The following NRG2 variants were observed in gnomAD, a reference collection of about 807,000 sequenced individuals.
The protein encoded by NRG2 is pro-neuregulin-2, membrane-bound isoform.
A neutral mutation model predicts 73.9 loss-of-function variants in NRG2; 27 were observed. That is an observed-to-expected ratio of 0.37 (90% confidence interval 0.27 to 0.50). The LOEUF is 0.50. Ranked by LOEUF, NRG2 falls within the 20% of genes least tolerant of loss-of-function variation. NRG2 has a pLI of 0.96. For synonymous variants in NRG2, 532 were observed against 541.0 expected, an observed-to-expected ratio of 0.98 and a Z score of 0.23; for missense variants, 1,126 against 1,210.1, an observed-to-expected ratio of 0.93 and a Z score of 1.03.
intron 1 of NRG2, among the ~76,000 whole-genome samples, chr5:139,935,024 G>A (rs746569869): frequency 2.0e-5 from 3 of 152,040 alleles, no homozygotes; most frequent in Non-Finnish European, 4.4e-5. Flanking sequence ...ACAATTAGCT[G>A]GGAGTGGTGG....
intron 5 of NRG2, among the ~76,000 whole-genome samples, chr5:139,863,622 A>G (rs1581797346): frequency 6.6e-6 from 1 of 152,208 alleles, no homozygotes; most frequent in Admixed American, 6.5e-5. Context: ...GCCGAGAGGA[A>G]TATTGCCCCA....
At position 139,865,008 on chromosome 5, in the gene NRG2, G is replaced by A. The variant is rs898549359; in HGVS notation, c.1189+541C>T. 5.2e-6 allele frequency: 5 copies of A among 955,372 alleles called. No homozygotes were observed. Among genetic ancestry groups the A allele is most frequent in the Non-Finnish European group, 8.6e-6 (5 of 582,250 alleles). 59.2% of individuals were successfully genotyped at this position (955,372 alleles called of 1,614,324 possible). ...TTTCCGTCTCCTCTAAGGAGCGCAG[G>A]ACACCCTCTACATCTCCCCCTAGTC... On this transcript the variant is annotated intron_variant, in intron 5 of 9. Coordinates refer to ENST00000361474, the MANE Select transcript of NRG2 (RefSeq NM_004883.3). The surrounding 1 kb of genome is among the most constrained non-coding windows in gnomAD (Gnocchi z 5.2).
rs147991589 is a variant in NRG2 at position 139,887,830 on chromosome 5, G to A, written c.701-319C>T. Among the ~76,000 whole-genome samples, 27 of 152,230 alleles carry A rather than the reference G, an allele frequency of 1.8e-4. No individual in the cohort carries two copies. The highest frequency in any genetic ancestry group is 6.5e-4 in the African/African-American group (27 of 41,532). On this transcript the variant is annotated intron_variant, in intron 1 of 9. Coordinates refer to ENST00000361474, the MANE Select transcript of NRG2 (RefSeq NM_004883.3). This position sits in a 1 kb window ranked among gnomAD's most constrained non-coding sequence, Gnocchi z 4.5. ...ATGGTTAAACCCACTTACAGATGGG[G>A]AAACAGAGGCTCGGAATGGTGAAGT...
intron 1 of NRG2, among the ~76,000 whole-genome samples, chr5:140,038,812 G>T (rs1172412044): frequency 6.6e-6 from 1 of 152,180 alleles, no homozygotes; most frequent in African/African-American, 2.4e-5. Flanking sequence ...TAATTCAATC[G>T]TTAAATCTAC....
intron 1 of NRG2, among the ~76,000 whole-genome samples, chr5:139,963,718 C>T (rs1225339177): frequency 6.6e-6 from 1 of 152,210 alleles, no homozygotes. Flanking sequence ...AGACTCTCGT[C>T]TGCCTGACTC....
intron 1 of NRG2, among the ~76,000 whole-genome samples, chr5:139,923,574 G>A (rs898311730): frequency 3.3e-5 from 5 of 152,258 alleles, no homozygotes; most frequent in East Asian, 3.9e-4. Context: ...AAAAGGTTTC[G>A]ATGGACTATA....
At chr5:139,913,873 T>C (rs1293612373) in intron 1 of NRG2, among the ~76,000 whole-genome samples, 1 of 152,144 alleles carries the variant, frequency 6.6e-6, no homozygotes, top group Admixed American at 6.5e-5. Flanking sequence ...TAACCTGGGG[T>C]CAGGTGCAGT....
At position 140,042,635 on chromosome 5, in the gene NRG2, G is replaced by A. The variant is rs1762023314; in HGVS notation, c.435C>T (p.Ser145=). The change falls in exon 1 of 10, where the codon AGC becomes AGT. Residue 145 remains serine (S), a synonymous_variant. Transcript: ENST00000361474. ...VQGLVPAGGS[S]SNSTREPPAS... ...CGGGCGGCTCTCGGGTGCTGTTGGA[G>A]CTGGAGCCGCCGGCTGGGACCAGCC... The A allele has an allele frequency of 6.2e-7, 1 of 1,603,130 alleles. No individual in the cohort carries two copies. The highest frequency in any genetic ancestry group is 1.7e-5 in the Admixed American group (1 of 58,660).
intron 1 of NRG2, among the ~76,000 whole-genome samples, chr5:139,889,052 C>G (rs1234171623): frequency 2.0e-5 from 3 of 152,128 alleles, no homozygotes; most frequent in Non-Finnish European, 4.4e-5. Flanking sequence ...AAAGTGTATT[C>G]TATAAGCAGG....
intron 1 of NRG2, chr5:140,019,602 T>G (rs1469837520): frequency 6.6e-6 from 1 of 152,204 alleles, no homozygotes; most frequent in Non-Finnish European, 1.5e-5. Flanking sequence ...AAAATAATTT[T>G]TTTTAAGAAA....
intron 1 of NRG2, among the ~76,000 whole-genome samples, chr5:139,943,210 G>A (rs996278216): frequency 2.9e-4 from 44 of 151,908 alleles, no homozygotes; most frequent in East Asian, 1.2e-3. Context: ...GCAATGGCGC[G>A]ATCTCGGCTC....
At chr5:140,027,224 T>C (rs747227600) in intron 1 of NRG2, among the ~76,000 whole-genome samples, 4 of 152,116 alleles carry the variant, frequency 2.6e-5, no homozygotes, top group Non-Finnish European at 4.4e-5. Flanking sequence ...GTTCAAGCAA[T>C]CCACCTGCCC....
chr5:140,028,123 T>C (rs186783329), intron 1 of NRG2, among the ~76,000 whole-genome samples: 5 of 152,346 alleles, frequency 3.3e-5, no homozygotes, highest in African/African-American at 7.2e-5. Context: ...GATTGGGTCC[T>C]GGACCAGGAA....
At chr5:139,961,124 G>A (rs530790369) in intron 1 of NRG2, among the ~76,000 whole-genome samples, 11 of 152,324 alleles carry the variant, frequency 7.2e-5, no homozygotes, top group South Asian at 2.1e-4. Context: ...GTACGCTGCC[G>A]CCCAGCTCTG....
intron 1 of NRG2, among the ~76,000 whole-genome samples, chr5:139,888,047 C>T (rs775477978): frequency 1.3e-4 from 20 of 152,058 alleles, no homozygotes; most frequent in Non-Finnish European, 2.8e-4. Flanking sequence ...ATTCTATTTC[C>T]GCATGCCCCA....
At chr5:139,881,853 C>T (rs537058911) in intron 2 of NRG2, among the ~76,000 whole-genome samples, 1 of 152,178 alleles carries the variant, frequency 6.6e-6, no homozygotes, top group Non-Finnish European at 1.5e-5. Context: ...CTTGGTCCCC[C>T]TCTTCTTTCT....
At chr5:139,885,557 T>C (rs781701136) in intron 2 of NRG2, among the ~76,000 whole-genome samples, 2 of 151,570 alleles carry the variant, frequency 1.3e-5, no homozygotes, top group Non-Finnish European at 2.9e-5. Context: ...AGGGCGGAAG[T>C]GAGATGGGGC....
intron 1 of NRG2, among the ~76,000 whole-genome samples, chr5:139,948,396 G>T (rs771932663): frequency 6.6e-6 from 1 of 151,738 alleles, no homozygotes; most frequent in Non-Finnish European, 1.5e-5. Context: ...CCTAACCTGA[G>T]CCACTCTTTC....
chr5:139,852,129 C>T lies in NRG2; in HGVS notation c.1545-298G>A, dbSNP rs865948297. Among the ~76,000 whole-genome samples, 15 of 152,208 alleles carry T rather than the reference C, an allele frequency of 9.9e-5. No individual in the cohort carries two copies. The East Asian group carries it at 1.7e-3, about 18-fold the overall frequency. ...CCCCTGTCTGGGACCTTTCCACCAC[C>T]GTGGTCCTTAGCTACCTATCTCAGA... On this transcript the variant is annotated intron_variant, in intron 8 of 9. Coordinates refer to ENST00000361474, the MANE Select transcript of NRG2 (RefSeq NM_004883.3). The surrounding 1 kb of genome is among the most constrained non-coding windows in gnomAD (Gnocchi z 4.4).
Sources: allele counts gnomAD v4.1 joint callset (sites outside exome capture counted in the v4.1 genomes callset), GRCh38; gene constraint gnomAD v4.1.1; non-coding constraint Gnocchi (gnomAD v3.1); transcripts MANE v1.5; gene names NCBI Gene and HGNC (gene_info 2026-07-23, HGNC 2026-07-21).